FSIP2: variants seen among roughly 807,000 people sequenced by gnomAD.
FSIP2 encodes fibrous sheath interacting protein 2.
FSIP2 carries 367 observed loss-of-function variants against 510.5 expected under a neutral mutation model. That is an observed-to-expected ratio of 0.72 (90% confidence interval 0.66 to 0.78). The LOEUF (loss-of-function observed/expected upper bound fraction) is 0.78, where lower values mean the gene tolerates loss of function less well. Among genes scored for constraint, FSIP2 ranks in the 30% least tolerant of loss-of-function variants. The pLI is 0.00. For synonymous variants in FSIP2, 2,601 were observed against 2,732.2 expected, an observed-to-expected ratio of 0.95 and a Z score of 1.50; for missense variants, 7,594 against 7,901.7, an observed-to-expected ratio of 0.96 and a Z score of 1.48.
intron 2 of FSIP2, among the ~76,000 whole-genome samples, chr2:185,740,983 A>T (rs11695263): frequency 0.54 from 82,707 of 151,970 alleles, 22,777 homozygotes; most frequent in South Asian, 0.64. Flanking sequence ...TTTAAAAAAA[A>T]CTAATCTGTT....
At chr2:185,817,168 C>A in intron 19 of FSIP2, among the ~76,000 whole-genome samples, 1 of 152,140 alleles carries the variant, frequency 6.6e-6, no homozygotes, top group South Asian at 2.1e-4. Flanking sequence ...CAGTTTCCTC[C>A]CTTTGGTGGA....
Position 185,789,168 on chromosome 2 carries a change from A to G in FSIP2, c.2032A>G (p.Lys678Glu). ...CTTAGGGAGTTCATTGCATTGTGAT[A>G]AAACAGCAAAAGCCATGGATGAAAT... Reference protein sequence around the residue: ...DSLGSSLHCDKTAKAMDEMKN... With the variant: ...DSLGSSLHCDETAKAMDEMKN... Residue 678 changes from lysine to glutamate, a missense_variant, in exon 16 of 23, where the codon AAA becomes GAA. Coordinates refer to ENST00000424728, the MANE Select transcript of FSIP2 (RefSeq NM_173651.4). 6 of 1,534,944 alleles carry G rather than the reference A, an allele frequency of 3.9e-6. No homozygotes were observed. Among genetic ancestry groups the G allele is most frequent in the Non-Finnish European group, 5.2e-6 (6 of 1,145,922 alleles).
chr2:185,780,703 CTTTTT>C (rs894981388), intron 13 of FSIP2, among the ~76,000 whole-genome samples: 3 of 151,520 alleles, frequency 2.0e-5, no homozygotes, highest in African/African-American at 7.3e-5. Context: ...TCTTGTTTTT[CTTTTT>C]TTATATTTCT....
chr2:185,743,461 C>A (rs1193643651), intron 3 of FSIP2, among the ~76,000 whole-genome samples, 167 bp downstream of exon 3: 2 of 152,178 alleles, frequency 1.3e-5, no homozygotes, highest in African/African-American at 4.8e-5. Context: ...CAAGAGAAAT[C>A]AGACAACAGT....
chr2:185,795,416 C>T lies in FSIP2; in HGVS notation c.8280C>T (p.Thr2760=), dbSNP rs1693243648. The change falls in exon 16 of 23, where the codon ACC becomes ACT. Residue 2760 remains threonine, a synonymous_variant. Coordinates refer to ENST00000424728, the MANE Select transcript of FSIP2 (RefSeq NM_173651.4). The part of the protein sequence containing the change: ...IVKEFGKVKQ[T]KALPSDQIIA... ...AGGAATTTGGAAAGGTAAAGCAAAC[C>T]AAAGCTTTACCATCTGATCAAATCA... 1 of 1,533,974 alleles carries T rather than the reference C, an allele frequency of 6.5e-7. No individual in the cohort carries two copies. Among genetic ancestry groups the T allele is most frequent in the African/African-American group, 1.4e-5 (1 of 72,878 alleles).
At position 185,804,853 on chromosome 2, in the gene FSIP2, C is replaced by T; in HGVS notation, c.15547C>T (p.Gln5183Ter). ...SMAEDNAESM[Q>*]LEPIENLVDS... ...GGCAGAGGATAATGCAGAAAGTATG[C>T]AGTTAGAACCTATTGAAAATTTGGT... Residue 5183 changes from glutamine (Q) to a stop codon, truncating the protein, a stop_gained, in exon 17 of 23, where the codon CAG becomes TAG. Transcript: ENST00000424728. LOFTEE classifies it high-confidence loss of function. 4 of 1,522,606 alleles carry T rather than the reference C, an allele frequency of 2.6e-6. No homozygotes were observed. The highest frequency in any genetic ancestry group is 3.5e-6 in the Non-Finnish European group (4 of 1,141,778). 94.3% of individuals were successfully genotyped at this position (1,522,606 alleles called of 1,614,324 possible).
Position 185,797,472 on chromosome 2 carries a change from G to C in FSIP2, c.10336G>C (p.Ala3446Pro). Residue 3446 changes from alanine (A) to proline (P), a missense_variant, in exon 16 of 23, where the codon GCA (alanine) becomes CCA (proline). Coordinates refer to ENST00000424728, the MANE Select transcript of FSIP2 (RefSeq NM_173651.4). Reference sequence around the variant, plus strand: ...GGGTTCCAATGAAGTTCATCTGATAGCAAGACATGTCACCACATCTGTGGT... The same window carrying C: ...GGGTTCCAATGAAGTTCATCTGATACCAAGACATGTCACCACATCTGTGGT... The part of the protein sequence containing the change: ...EMGSNEVHLI[A>P]RHVTTSVVTY... The C allele has an allele frequency of 6.6e-7, 1 of 1,522,810 alleles. No individual in the cohort carries two copies. The highest frequency in any genetic ancestry group is 1.2e-5 in the South Asian group (1 of 80,880). The allele number at this position is 1,522,810 out of a possible 1,614,324, so 94.3% of individuals were successfully genotyped here.
chr2:185,740,311 C>T (rs891566852), intron 2 of FSIP2: 1 of 152,150 alleles, frequency 6.6e-6, no homozygotes, highest in African/African-American at 2.4e-5. Flanking sequence ...CATAGTTAAT[C>T]ATACTGGATT....
Position 185,805,283 on chromosome 2 carries a change from G to A in FSIP2, c.15977G>A (p.Ser5326Asn). 1 of 1,594,244 alleles carries A rather than the reference G, an allele frequency of 6.3e-7. No homozygotes were observed. Among genetic ancestry groups the A allele is most frequent in the Non-Finnish European group, 8.5e-7 (1 of 1,173,124 alleles). Residue 5326 changes from serine to asparagine, a missense_variant, in exon 17 of 23, where the codon AGT becomes AAT. Coordinates refer to ENST00000424728, the MANE Select transcript of FSIP2 (RefSeq NM_173651.4). ...TCTCTGATAAGGGAATTTAAGAAAA[G>A]TGATATTAAAGTTTTACCAAATGCT... Reference protein sequence around the residue: ...ANSLIREFKKSDIKVLPNAEK... With the variant: ...ANSLIREFKKNDIKVLPNAEK...
rs1207820810 is a variant in FSIP2, at chr2:185,739,052, C to A, written c.99+59C>A. On this transcript the variant is annotated intron_variant, in intron 1 of 22. Transcript: ENST00000424728. ...TGGCGGCCGCAGGCCTGCTGGGGAG[C>A]GGGGCAGGGATCGCCACACACGGGT... 1.5e-5 allele frequency: 23 copies of A among 1,496,650 alleles called. 1 individual carries two copies. Among genetic ancestry groups the A allele is most frequent in the Non-Finnish European group, 2.0e-5 (22 of 1,127,786 alleles). The allele number at this position is 1,496,650 out of a possible 1,614,324, so 92.7% of individuals were successfully genotyped here.
chr2:185,807,505 A>C lies in FSIP2; in HGVS notation c.18199A>C (p.Ile6067Leu). 6.2e-7 allele frequency: 1 copy of C among 1,611,116 alleles called. No homozygotes were observed. Among genetic ancestry groups the C allele is most frequent in the Non-Finnish European group, 8.5e-7 (1 of 1,177,880 alleles). Reference protein sequence around the residue: ...TEISQDKYMTIQYVETLQSDD... With the variant: ...TEISQDKYMTLQYVETLQSDD... Reference sequence around the variant, plus strand: ...GATCTCCCAAGATAAATATATGACTATACAGTATGTAGAAACCTTACAATC... The same window carrying C: ...GATCTCCCAAGATAAATATATGACTCTACAGTATGTAGAAACCTTACAATC... The change falls in exon 17 of 23, where the codon ATA (isoleucine) becomes CTA (leucine). Residue 6067 changes from isoleucine to leucine, a missense_variant. Coordinates refer to ENST00000424728, the MANE Select transcript of FSIP2 (RefSeq NM_173651.4).
intron 18 of FSIP2, among the ~76,000 whole-genome samples, chr2:185,815,068 T>C (rs1162657267): frequency 3.9e-5 from 6 of 152,158 alleles, no homozygotes; most frequent in Middle Eastern, 3.4e-3. Context: ...CTCAGTAATA[T>C]ATGATTTCAA....
chr2:185,807,061 TC>T lies in FSIP2; in HGVS notation c.17757del (p.Ser5920LeufsTer6). ...DKTLVNKVVH[S>X]SVCNILNDYG... Reference sequence around the variant, plus strand: ...AACATTGGTCAATAAAGTTGTTCACTCCTCTGTTTGTAATATTTTAAATGAC... The same window carrying T: ...AACATTGGTCAATAAAGTTGTTCACTCTCTGTTTGTAATATTTTAAATGAC... On this transcript the variant is annotated frameshift_variant, in exon 17 of 23. Coordinates refer to ENST00000424728, the MANE Select transcript of FSIP2 (RefSeq NM_173651.4). LOFTEE classifies it high-confidence loss of function. The T allele has an allele frequency of 6.3e-7, 1 of 1,591,430 alleles. No homozygotes were observed.
intron 13 of FSIP2, among the ~76,000 whole-genome samples, chr2:185,766,794 T>C (rs1165041862): frequency 1.4e-5 from 2 of 143,126 alleles, no homozygotes; most frequent in Non-Finnish European, 3.1e-5. Flanking sequence ...GAAATACCAT[T>C]TGACCCAGCC....
intron 13 of FSIP2, among the ~76,000 whole-genome samples, chr2:185,779,168 G>A (rs773233553): frequency 2.0e-5 from 3 of 151,858 alleles, no homozygotes; most frequent in Non-Finnish European, 4.4e-5. Context: ...CAATCAATTT[G>A]TATTTATGTA....
At chr2:185,779,376 A>C (rs1233905825) in intron 13 of FSIP2, among the ~76,000 whole-genome samples, 1 of 151,872 alleles carries the variant, frequency 6.6e-6, no homozygotes, top group Non-Finnish European at 1.5e-5. Context: ...TTTTTGTTTA[A>C]ATTTTTATGG....
At chr2:185,797,662 C>G in intron 16 of FSIP2, 136 bp downstream of exon 16, 1 of 761,828 alleles carries the variant, frequency 1.3e-6, no homozygotes, top group Non-Finnish European at 2.2e-6. Context: ...TAGATGACTA[C>G]TGAGTTGCAC....
chr2:185,746,770 A>C lies in FSIP2; in HGVS notation c.719A>C (p.His240Pro). 2 of 1,528,662 alleles carry C rather than the reference A, an allele frequency of 1.3e-6. No individual in the cohort carries two copies. Among genetic ancestry groups the C allele is most frequent in the Non-Finnish European group, 1.7e-6 (2 of 1,144,330 alleles). The allele number at this position is 1,528,662 out of a possible 1,614,324, so 94.7% of individuals were successfully genotyped here. A position where few individuals can be genotyped will look rare whatever the true frequency, so the allele number is the denominator to read the frequency against. Residue 240 changes from histidine to proline, a missense_variant, in exon 6 of 23, where the codon CAC becomes CCC. Physicochemically the swap from His to Pro is moderately conservative, Grantham distance 77. Coordinates refer to ENST00000424728, the MANE Select transcript of FSIP2 (RefSeq NM_173651.4). ...AGAGAAGAAAGACGACAGCGGGAAC[A>C]CACAAGAAGAAAACTTACTCTTCGT... The part of the protein sequence containing the change: ...MDREERRQRE[H>P]TRRKLTLRRK...
chr2:185,825,953 C>T (rs1694006805), intron 20 of FSIP2, among the ~76,000 whole-genome samples: 1 of 151,734 alleles, frequency 6.6e-6, no homozygotes, highest in African/African-American at 2.4e-5. Context: ...ATAGTGGTCC[C>T]ATATGATTAT....
Sources: gnomAD v4.1 joint callset for allele counts (sites outside exome capture counted in the v4.1 genomes callset) on GRCh38, gnomAD v4.1.1 for gene constraint, MANE v1.5 for transcripts, NCBI Gene and HGNC (gene_info 2026-07-23, HGNC 2026-07-21) for gene names.